The following DEPDC1B variants were observed in gnomAD, a reference collection of about 807,000 sequenced individuals.
DEPDC1B encodes DEP domain-containing protein 1B.
In DEPDC1B, 51 loss-of-function variants were observed where a neutral mutation model predicts 66.5. The ratio of observed to expected loss-of-function variants is 0.77; its 90% CI spans 0.61 to 0.97. The LOEUF is 0.97. Ranked by LOEUF, DEPDC1B falls within the 50% of genes least tolerant of loss-of-function variation. The probability of loss-of-function intolerance (pLI) is 0.00; values close to 1 mark genes in which losing one functional copy is unlikely to be tolerated. For synonymous variants in DEPDC1B, 226 were observed against 223.6 expected (o/e 1.01, Z -0.10); for missense variants, 552 against 637.1 (o/e 0.87, Z 1.44).
chr5:60,676,841 C>T (rs1754173036), intron 2 of DEPDC1B, among the ~76,000 whole-genome samples: 1 of 152,142 alleles, frequency 6.6e-6, no homozygotes, highest in Non-Finnish European at 1.5e-5. Flanking sequence ...CTACAATGGC[C>T]AGGCAGATAA....
At chr5:60,633,303 C>T (rs1486363106) in intron 7 of DEPDC1B, among the ~76,000 whole-genome samples, 2 of 152,192 alleles carry the variant, frequency 1.3e-5, no homozygotes, top group African/African-American at 2.4e-5. Flanking sequence ...CTGCTGCCTT[C>T]CTTGCCTCTT....
At position 60,597,794 on chromosome 5, in the gene DEPDC1B, G is replaced by C. The variant is rs1335353003; in HGVS notation, c.1549C>G (p.Pro517Ala). The change falls in exon 11 of 11, where the codon CCT (proline) becomes GCT (alanine). Residue 517 changes from proline (P) to alanine (A), a missense_variant. Transcript: ENST00000265036. ...PQLLMWALKK[P>A]FQPFQRTRSF... ...CTAGTTCTTTGAAATGGTTGGAAAGGCTTCTTTAGTGCCCACATTAGCAGC... is the reference window on the plus strand; with the variant it reads ...CTAGTTCTTTGAAATGGTTGGAAAGCCTTCTTTAGTGCCCACATTAGCAGC... The C allele has an allele frequency of 3.7e-6, 6 of 1,613,306 alleles. No homozygotes were observed. Among genetic ancestry groups the C allele is most frequent in the Admixed American group, 1.7e-5 (1 of 59,884 alleles).
At chr5:60,629,623 C>T (rs1264858927) in intron 7 of DEPDC1B, among the ~76,000 whole-genome samples, 1 of 152,086 alleles carries the variant, frequency 6.6e-6, no homozygotes, top group African/African-American at 2.4e-5. Context: ...TGTTGAGAAC[C>T]TTTTCTTTTA....
chr5:60,644,671 C>T (rs1753267419), intron 5 of DEPDC1B, 74 bp downstream of exon 5: 1 of 1,289,438 alleles, frequency 7.8e-7, no homozygotes, highest in Non-Finnish European at 1.0e-6. Flanking sequence ...AGGGAAGGGT[C>T]AGAAAGGAGC....
intron 1 of DEPDC1B, among the ~76,000 whole-genome samples, chr5:60,691,921 G>C (rs143428896): frequency 1.6e-4 from 25 of 152,084 alleles, no homozygotes; most frequent in African/African-American, 4.8e-4. Context: ...GCTAAGTTAT[G>C]GAATCAACCT....
intron 7 of DEPDC1B, 102 bp downstream of exon 7, chr5:60,638,648 T>TA: frequency 8.2e-7 from 1 of 1,223,438 alleles, no homozygotes; most frequent in Non-Finnish European, 1.1e-6. Context: ...TTTTTATTTT[T>TA]AAAATGGCAT....
At chr5:60,662,215 CG>C (rs1753732565) in intron 2 of DEPDC1B, among the ~76,000 whole-genome samples, 1 of 151,972 alleles carries the variant, frequency 6.6e-6, no homozygotes, top group Admixed American at 6.6e-5. Flanking sequence ...AGTGAAACCC[CG>C]TCTCTACTAA....
At chr5:60,668,948 A>G (rs1753968216) in intron 2 of DEPDC1B, among the ~76,000 whole-genome samples, 2 of 152,202 alleles carry the variant, frequency 1.3e-5, no homozygotes, top group Non-Finnish European at 2.9e-5. Flanking sequence ...TAACATGATC[A>G]TGGATTCCAG....
Position 60,620,971 on chromosome 5 carries a change from G to A in DEPDC1B, c.899-15115C>T, listed in dbSNP as rs539177754. ...ATACTATGCAGCCATGAAAAATAAT[G>A]AGTTCATGTGCTTTGTAGGGACATG... is the stretch of plus-strand genomic sequence containing the variant. On this transcript the variant is annotated intron_variant, in intron 7 of 10. Coordinates refer to ENST00000265036, the MANE Select transcript of DEPDC1B (RefSeq NM_018369.3). Among the ~76,000 whole-genome samples the A allele has an allele frequency of 2.0e-5, 3 of 152,234 alleles. No individual in the cohort carries two copies. The East Asian group carries it at 5.8e-4, about 29-fold the overall frequency.
rs555803178 is a variant in DEPDC1B, at chr5:60,697,661, G to T, written c.48+2385C>A. Among the ~76,000 whole-genome samples the T allele has an allele frequency of 2.0e-5, 3 of 152,126 alleles. No individual in the cohort carries two copies. The East Asian group carries it at 5.8e-4, about 29-fold the overall frequency. ...ATACTCACTTTTGAAAAAAAAAATT[G>T]GCTATTGTTTTCTGTTTTCCACATC... On this transcript the variant is annotated intron_variant, in intron 1 of 10. Coordinates refer to ENST00000265036, the MANE Select transcript of DEPDC1B (RefSeq NM_018369.3).
intron 2 of DEPDC1B, 59 bp downstream of exon 2, chr5:60,686,903 G>T: frequency 6.3e-7 from 1 of 1,589,582 alleles, no homozygotes. Flanking sequence ...CAACAGACTT[G>T]GACCAGATTC....
chr5:60,634,919 C>T (rs1690640447), intron 7 of DEPDC1B, among the ~76,000 whole-genome samples: 1 of 151,766 alleles, frequency 6.6e-6, no homozygotes, highest in South Asian at 2.1e-4. Flanking sequence ...ATTAGCTGGG[C>T]ATGGTGGTGC....
At chr5:60,603,826 C>CATATATATATATATATATATATATATAT (rs34747463) in intron 8 of DEPDC1B, among the ~76,000 whole-genome samples, 9 of 146,086 alleles carry the variant, frequency 6.2e-5, no homozygotes, top group African/African-American at 2.0e-4. Flanking sequence ...TTTAAATATA[C>CATATATATATATATATATATATATATAT]ATATATATAT....
intron 2 of DEPDC1B, among the ~76,000 whole-genome samples, chr5:60,684,415 C>G (rs1754364508): frequency 6.6e-6 from 1 of 151,908 alleles, no homozygotes. Flanking sequence ...ACCAAAGGAA[C>G]AGAAAAAAGA....
In DEPDC1B at chr5:60,621,445, C is replaced by CA. The variant is rs1474857986; in HGVS notation, c.899-15590dup. On this transcript the variant is annotated intron_variant, in intron 7 of 10. Transcript: ENST00000265036. ...TATTCTCAGCAAACTATCGCAGGGACAAAAAACCAAACACCTCATATTCTC... is the reference window on the plus strand; with the variant it reads ...TATTCTCAGCAAACTATCGCAGGGACAAAAAAACCAAACACCTCATATTCTC... Among the ~76,000 whole-genome samples, 5 of 151,708 alleles carry CA rather than the reference C, an allele frequency of 3.3e-5. No homozygotes were observed. In the South Asian group the frequency reaches 6.2e-4, roughly 19 times the overall value.
intron 7 of DEPDC1B, 46 bp downstream of exon 7, chr5:60,638,704 T>C: frequency 1.3e-6 from 2 of 1,531,158 alleles, no homozygotes; most frequent in Non-Finnish European, 1.8e-6. Flanking sequence ...AATGAAACGA[T>C]TCAATATCAG....
intron 2 of DEPDC1B, among the ~76,000 whole-genome samples, chr5:60,649,031 C>T (rs1753382462): frequency 6.6e-6 from 1 of 152,156 alleles, no homozygotes; most frequent in South Asian, 2.1e-4. Context: ...CTTCTCAGTT[C>T]ATTCAAAACT....
At chr5:60,676,945 T>C (rs1754175903) in intron 2 of DEPDC1B, among the ~76,000 whole-genome samples, 1 of 152,174 alleles carries the variant, frequency 6.6e-6, no homozygotes, top group South Asian at 2.1e-4. Flanking sequence ...ACTTTCCGGT[T>C]CATAATGTAT....
At chr5:60,661,868 G>C (rs1478272902) in intron 2 of DEPDC1B, among the ~76,000 whole-genome samples, 1 of 152,158 alleles carries the variant, frequency 6.6e-6, no homozygotes, top group Non-Finnish European at 1.5e-5. Flanking sequence ...TGGTGCTGCA[G>C]ACATTTACTA....
Sources: allele counts gnomAD v4.1 joint callset (sites outside exome capture counted in the v4.1 genomes callset), GRCh38; gene constraint gnomAD v4.1.1; transcripts MANE v1.5; gene names NCBI Gene and HGNC (gene_info 2026-07-23, HGNC 2026-07-21).